DLAT: variants seen among roughly 807,000 people sequenced by gnomAD.
DLAT encodes the protein dihydrolipoamide S-acetyltransferase.
In DLAT, 43 loss-of-function variants were observed where a neutral mutation model predicts 68.0. That is an observed-to-expected ratio of 0.63 (90% CI 0.50 to 0.81). The LOEUF is 0.81. Among genes scored for constraint, DLAT ranks in the 40% least tolerant of loss-of-function variants. DLAT has a pLI of 0.00. For synonymous variants in DLAT, 265 were observed against 288.6 expected (o/e 0.92, Z 0.83); for missense variants, 745 against 815.4 (o/e 0.91, Z 1.05).
chr11:112,025,688 C>G lies in DLAT; in HGVS notation c.216C>G (p.Arg72=). 1 of 1,613,082 alleles carries G rather than the reference C, an allele frequency of 6.2e-7. No individual in the cohort carries two copies. The highest frequency in any genetic ancestry group is 8.5e-7 in the Non-Finnish European group (1 of 1,179,976). The change falls in exon 1 of 14, where the codon CGC becomes CGG. Residue 72 remains arginine, a synonymous_variant. Transcript: ENST00000280346. ...GTTCTGGGGCCACGCCGCGGAACCG[C>G]TTACTGCTGCAGCTTTTGGGGTCGC... The part of the protein sequence containing the change: ...TPSSGATPRN[R]LLLQLLGSPG...
chr11:112,035,109 T>A (rs782054770), intron 5 of DLAT, among the ~76,000 whole-genome samples: 2 of 152,256 alleles, frequency 1.3e-5, no homozygotes, highest in South Asian at 4.1e-4. Context: ...AAGGGAAGCC[T>A]TTCCCAAAGA....
At position 112,051,270 on chromosome 11, in the gene DLAT, T is replaced by G; in HGVS notation, c.1435T>G (p.Phe479Val). Residue 479 changes from phenylalanine (F) to valine (V), a missense_variant, in exon 11 of 14, where the codon TTC becomes GTC. Coordinates refer to ENST00000280346, the MANE Select transcript of DLAT (RefSeq NM_001931.5). The surrounding 1 kb of genome is among the most constrained non-coding windows in gnomAD (Gnocchi z 4.3). ...GAGAAGCAAAATTTCTGTCAATGACTTCATCATAAAAGCTTCAGCTTTGGC... is the reference window on the plus strand; with the variant it reads ...GAGAAGCAAAATTTCTGTCAATGACGTCATCATAAAAGCTTCAGCTTTGGC... ...EGRSKISVND[F>V]IIKASALACL... 6.2e-7 allele frequency: 1 copy of G among 1,613,262 alleles called. No individual in the cohort carries two copies. The highest frequency in any genetic ancestry group is 1.7e-4 in the Middle Eastern group (1 of 5,804).
chr11:112,046,962 A>C (rs1044970256), intron 10 of DLAT, among the ~76,000 whole-genome samples: 1 of 152,192 alleles, frequency 6.6e-6, no homozygotes, highest in Non-Finnish European at 1.5e-5. Context: ...AGAATGGTTT[A>C]TAATCCTTTG....
At chr11:112,026,321 T>TTTA in intron 2 of DLAT, 22 bp downstream of exon 2, 1 of 1,154,592 alleles carries the variant, frequency 8.7e-7, no homozygotes, top group African/African-American at 1.6e-5. Context: ...TTTTTTTTTT[T>TTTA]AATTAATTTA....
intron 13 of DLAT, chr11:112,061,533 T>A (rs1864624460): frequency 3.8e-6 from 1 of 266,512 alleles, no homozygotes; most frequent in East Asian, 9.9e-5. Flanking sequence ...AACCCATGGA[T>A]ATATGGAGGG....
rs1047346826 is a variant in DLAT, at chr11:112,051,653, A to G, written c.1514+304A>G. 6.6e-6 allele frequency among the ~76,000 whole-genome samples: 1 copy of G among 152,078 alleles called. No individual in the cohort carries two copies. Among genetic ancestry groups the G allele is most frequent in the African/African-American group, 2.4e-5 (1 of 41,388 alleles). On this transcript the variant is annotated intron_variant, in intron 11 of 13. Transcript: ENST00000280346. The surrounding 1 kb of genome is among the most constrained non-coding windows in gnomAD (Gnocchi z 4.3). ...GGTCTTGAACTCTTGGGCTCAAGCAATTCTACAGCCTCGGCCTCCCAAAGT... is the reference window on the plus strand; with the variant it reads ...GGTCTTGAACTCTTGGGCTCAAGCAGTTCTACAGCCTCGGCCTCCCAAAGT...
intron 6 of DLAT, among the ~76,000 whole-genome samples, chr11:112,039,041 T>C (rs990674837): frequency 5.9e-5 from 9 of 152,194 alleles, no homozygotes; most frequent in Non-Finnish European, 5.9e-5. Flanking sequence ...GTCTTTGATA[T>C]AGAAGTATAT....
chr11:112,056,475 C>A (rs966973486), intron 11 of DLAT, among the ~76,000 whole-genome samples: 3 of 152,084 alleles, frequency 2.0e-5, no homozygotes, highest in Non-Finnish European at 4.4e-5. Flanking sequence ...TTTCACTTAA[C>A]GAAATGTTTT....
At chr11:112,062,150 CAAAT>C (rs1422981232) in intron 13 of DLAT, among the ~76,000 whole-genome samples, 1 of 152,050 alleles carries the variant, frequency 6.6e-6, no homozygotes, top group Non-Finnish European at 1.5e-5. Context: ...ATAAACAAGA[CAAAT>C]GAATTGCAGT....
Position 112,027,787 on chromosome 11 carries a change from G to A in DLAT, c.382-728G>A, listed in dbSNP as rs1555179526. Among the ~76,000 whole-genome samples the A allele has an allele frequency of 2.6e-5, 4 of 152,290 alleles. No individual in the cohort carries two copies. The South Asian group carries it at 8.3e-4, about 32-fold the overall frequency. On this transcript the variant is annotated intron_variant, in intron 2 of 13. Coordinates refer to ENST00000280346, the MANE Select transcript of DLAT (RefSeq NM_001931.5). ...TGGCGGCGCGTGCCTGCAATCGCAG[G>A]CACTCAGCAGGCTGAGGCAGGAGAA...
chr11:112,061,632 G>A (rs1418871699), intron 13 of DLAT: 1 of 174,342 alleles, frequency 5.7e-6, no homozygotes, highest in Non-Finnish European at 1.2e-5. Context: ...AGGCAGAAGT[G>A]CAGTGGTGCC....
chr11:112,057,987 T>C (rs1245457626), intron 11 of DLAT, among the ~76,000 whole-genome samples: 1 of 152,246 alleles, frequency 6.6e-6, no homozygotes, highest in Non-Finnish European at 1.5e-5. Flanking sequence ...AACTTTTGTA[T>C]GTACTAGGAG....
chr11:112,059,798 T>C (rs1864435716), intron 11 of DLAT, 105 bp from the exon 12 acceptor site: 7 of 981,218 alleles, frequency 7.1e-6, no homozygotes, highest in Admixed American at 2.7e-5. Context: ...ATAACACACA[T>C]TGGTTCAAAA....
Position 112,028,610 on chromosome 11 carries a change from C to A in DLAT, c.477C>A (p.Ile159=), listed in dbSNP as rs781817825. 5.0e-6 allele frequency: 8 copies of A among 1,614,082 alleles called. No homozygotes were observed. The highest frequency in any genetic ancestry group is 6.8e-6 in the Non-Finnish European group (8 of 1,180,024). The part of the protein sequence containing the change: ...LVAEGTRDVP[I]GAIICITVGK... ...CTGAAGGTACCAGGGATGTTCCCAT[C>A]GGAGCGATCATCTGTATCACAGTTG... The change falls in exon 3 of 14, where the codon ATC becomes ATA. Residue 159 remains isoleucine, a synonymous_variant. Transcript: ENST00000280346.
rs587598588 is a variant in DLAT, at chr11:112,028,704, G to A, written c.506+65G>A. ...GGTGGAGTATTTTACCCAGAATTGAGAATTAGGAGTTAAAGACTATTTTTT... is the reference window on the plus strand; with the variant it reads ...GGTGGAGTATTTTACCCAGAATTGAAAATTAGGAGTTAAAGACTATTTTTT... On this transcript the variant is annotated intron_variant, in intron 3 of 13. Transcript: ENST00000280346. 4.9e-5 allele frequency: 79 copies of A among 1,614,006 alleles called. No individual in the cohort carries two copies. The South Asian group carries it at 8.5e-4, about 17-fold the overall frequency.
chr11:112,043,097 G>T (rs1863129484), intron 7 of DLAT, among the ~76,000 whole-genome samples: 1 of 152,152 alleles, frequency 6.6e-6, no homozygotes, highest in Non-Finnish European at 1.5e-5. Flanking sequence ...TTCCCTTTTG[G>T]AGATATAAAC....
intron 5 of DLAT, among the ~76,000 whole-genome samples, chr11:112,034,058 G>C (rs587652890): frequency 6.6e-6 from 1 of 152,318 alleles, no homozygotes; most frequent in African/African-American, 2.4e-5. Flanking sequence ...TGCGTAGTCA[G>C]ATTTGTCAGT....
At position 112,051,184 on chromosome 11, in the gene DLAT, TA is replaced by T; in HGVS notation, c.1399-46del. 7.7e-7 allele frequency: 1 copy of T among 1,292,102 alleles called. No homozygotes were observed. Among genetic ancestry groups the T allele is most frequent in the East Asian group, 2.3e-5 (1 of 42,934 alleles). 80.0% of individuals were successfully genotyped at this position (1,292,102 alleles called of 1,614,324 possible). A position where few individuals can be genotyped will look rare whatever the true frequency, so the allele number is the denominator to read the frequency against. On this transcript the variant is annotated intron_variant, in intron 10 of 13. Coordinates refer to ENST00000280346, the MANE Select transcript of DLAT (RefSeq NM_001931.5). This position sits in a 1 kb window ranked among gnomAD's most constrained non-coding sequence, Gnocchi z 4.3. ...GCACATGCACCCTGAAACTTAAAAT[TA>T]AAATTAAAATTAAAAAAGAAGAAAC... is the stretch of plus-strand genomic sequence containing the variant.
chr11:112,041,831 G>A (rs1487070182), intron 7 of DLAT, among the ~76,000 whole-genome samples: 5 of 151,728 alleles, frequency 3.3e-5, no homozygotes, highest in Non-Finnish European at 5.9e-5. Context: ...GCAGTGAGCC[G>A]AGATAGTGCC....
Sources: gnomAD v4.1 joint callset for allele counts (sites outside exome capture counted in the v4.1 genomes callset) on GRCh38, gnomAD v4.1.1 for gene constraint, Gnocchi (gnomAD v3.1) non-coding constraint, MANE v1.5 for transcripts, NCBI Gene and HGNC (gene_info 2026-07-23, HGNC 2026-07-21) for gene names.